GRM8: variants seen among roughly 807,000 people sequenced by gnomAD.
The protein encoded by GRM8 is glutamate metabotropic receptor 8.
Under a neutral mutation model 87.2 loss-of-function variants are expected in GRM8, and 47 were observed. The ratio of observed to expected loss-of-function variants is 0.54; its 90% CI spans 0.43 to 0.69. The LOEUF is 0.69. Ranked by LOEUF, GRM8 falls within the 30% of genes least tolerant of loss-of-function variation. The probability of loss-of-function intolerance (pLI) is 0.00; values close to 1 mark genes in which losing one functional copy is unlikely to be tolerated. For synonymous variants in GRM8, 396 were observed against 404.5 expected, an observed-to-expected ratio of 0.98 and a Z score of 0.25; for missense variants, 1,019 against 1,139.2, an observed-to-expected ratio of 0.89 and a Z score of 1.52.
rs1045637580 is a variant in GRM8 at position 126,800,764 on chromosome 7, T to C, written c.1157-30699A>G. Among the ~76,000 whole-genome samples, 5 of 152,306 alleles carry C rather than the reference T, an allele frequency of 3.3e-5. 1 individual carries two copies. Among genetic ancestry groups the C allele is most frequent in the East Asian group, 3.9e-4 (2 of 5,186 alleles). On this transcript the variant is annotated intron_variant, in intron 6 of 10. Coordinates refer to ENST00000339582, the MANE Select transcript of GRM8 (RefSeq NM_000845.3). ...AAGTGTTTAAAAGAAAATAGAGCGCTAATATTTCCCTGCCTTGAGAAAGAC... is the reference window on the plus strand; with the variant it reads ...AAGTGTTTAAAAGAAAATAGAGCGCCAATATTTCCCTGCCTTGAGAAAGAC...
intron 2 of GRM8, among the ~76,000 whole-genome samples, chr7:127,139,538 T>C (rs1307637722): frequency 6.6e-6 from 1 of 152,174 alleles, no homozygotes; most frequent in South Asian, 2.1e-4. Context: ...CAATATTCAC[T>C]TACCCCAGAG....
At chr7:127,059,764 C>G (rs1182620848) in intron 3 of GRM8, among the ~76,000 whole-genome samples, 1 of 152,188 alleles carries the variant, frequency 6.6e-6, no homozygotes, top group Non-Finnish European at 1.5e-5. Context: ...CTTGTAGGAG[C>G]ATTTTCCATC....
chr7:126,742,543 T>TACGGAGCATGGTGGCCA (rs1252991501), intron 7 of GRM8, among the ~76,000 whole-genome samples: 1 of 151,938 alleles, frequency 6.6e-6, no homozygotes, highest in African/African-American at 2.4e-5. Flanking sequence ...CCACCTCTCC[T>TACGGAGCATGGTGGCCA]ACGGAGCATG....
At chr7:127,014,423 C>G (rs1185271839) in intron 3 of GRM8, among the ~76,000 whole-genome samples, 1 of 152,116 alleles carries the variant, frequency 6.6e-6, no homozygotes, top group Non-Finnish European at 1.5e-5. Context: ...TTCAATGTCT[C>G]ATCATGACTT....
At chr7:127,081,663 A>G (rs1279101834) in intron 3 of GRM8, among the ~76,000 whole-genome samples, 2 of 152,210 alleles carry the variant, frequency 1.3e-5, no homozygotes, top group Non-Finnish European at 2.9e-5. Context: ...GCAAATGAAT[A>G]TGAATGAGAG....
chr7:126,788,420 A>AAAAACAAAAAAAAAAAAAACAAAAAAC, intron 6 of GRM8, among the ~76,000 whole-genome samples: 3 of 81,134 alleles, frequency 3.7e-5, no homozygotes, highest in East Asian at 7.4e-4. Context: ...AAAAAAAAAA[A>AAAAACAAAAAAAAAAAAAACAAAAAAC]AAACCCTTTC....
intron 2 of GRM8, among the ~76,000 whole-genome samples, chr7:127,241,436 T>C (rs202209663): frequency 1.3e-4 from 18 of 140,802 alleles, no homozygotes; most frequent in Admixed American, 5.9e-4. Flanking sequence ...CTTTTTTTTT[T>C]CTTTTTTTTT....
chr7:126,613,697 A>C (rs1047005641), intron 7 of GRM8, among the ~76,000 whole-genome samples: 3 of 152,216 alleles, frequency 2.0e-5, no homozygotes, highest in African/African-American at 7.2e-5. Flanking sequence ...CGCTTTTCCA[A>C]CGGTCTTAGC....
chr7:126,438,925 T>G lies in GRM8; in HGVS notation c.*194A>C. ...TTAGCTTGACACTCATTGGTTTTAT[T>G]GTATAAAACGGGTTTCTTCACTCCC... On this transcript the variant is annotated 3_prime_UTR_variant, in exon 11 of 11. Transcript: ENST00000339582. The G allele has an allele frequency of 2.0e-6, 1 of 505,898 alleles. No individual in the cohort carries two copies. The highest frequency in any genetic ancestry group is 3.0e-5 in the East Asian group (1 of 33,136). The allele number at this position is 505,898 out of a possible 1,614,324, so 31.3% of individuals were successfully genotyped here.
intron 3 of GRM8, among the ~76,000 whole-genome samples, chr7:126,908,132 A>G (rs1802899607): frequency 6.6e-6 from 1 of 152,222 alleles, no homozygotes; most frequent in Admixed American, 6.5e-5. Context: ...GGAGCTAAAG[A>G]GAGAGAAGGG....
intron 7 of GRM8, among the ~76,000 whole-genome samples, chr7:126,641,488 G>A (rs1802377971): frequency 6.6e-6 from 1 of 152,142 alleles, no homozygotes; most frequent in South Asian, 2.1e-4. Context: ...AGTAAGCATG[G>A]TGCAGAGTGG....
chr7:126,994,554 C>G (rs184503780), intron 3 of GRM8, among the ~76,000 whole-genome samples: 1 of 152,292 alleles, frequency 6.6e-6, no homozygotes, highest in East Asian at 1.9e-4. Flanking sequence ...TGACCACAAT[C>G]TGACTGAAGA....
chr7:127,013,387 C>T (rs556490359), intron 3 of GRM8, among the ~76,000 whole-genome samples: 8 of 152,128 alleles, frequency 5.3e-5, no homozygotes, highest in Middle Eastern at 3.2e-3. Context: ...TCCACCTTCT[C>T]CCCTAGTGTA....
chr7:126,494,108 C>T (rs1378715316), intron 9 of GRM8, among the ~76,000 whole-genome samples: 1 of 151,986 alleles, frequency 6.6e-6, no homozygotes, highest in African/African-American at 2.4e-5. Context: ...CTTTCCATCA[C>T]ATATTTACCA....
chr7:127,008,810 T>C (rs1293558089), intron 3 of GRM8, among the ~76,000 whole-genome samples: 3 of 152,118 alleles, frequency 2.0e-5, no homozygotes, highest in Non-Finnish European at 4.4e-5. Flanking sequence ...GCTTTCTATA[T>C]AGTGAAAGTA....
At position 127,243,291 on chromosome 7, in the gene GRM8, G is replaced by T; in HGVS notation, c.-87C>A. 1 of 1,231,782 alleles carries T rather than the reference G, an allele frequency of 8.1e-7. No individual in the cohort carries two copies. Among genetic ancestry groups the T allele is most frequent in the East Asian group, 2.3e-5 (1 of 42,912 alleles). 76.3% of individuals were successfully genotyped at this position (1,231,782 alleles called of 1,614,324 possible). A position where few individuals can be genotyped will look rare whatever the true frequency, so the allele number is the denominator to read the frequency against. ...GCACCACCTGAGGCTGCACCTTCTG[G>T]AGGCTACCATCAGGGCCCATGGGGA... On this transcript the variant is annotated 5_prime_UTR_variant, in exon 2 of 11. Transcript: ENST00000339582.
intron 1 of GRM8, among the ~76,000 whole-genome samples, chr7:127,250,062 G>A (rs1044299907): frequency 3.9e-5 from 6 of 152,148 alleles, no homozygotes; most frequent in African/African-American, 1.4e-4. Context: ...AAACTTGGAA[G>A]GAAAAAAACA....
intron 3 of GRM8, among the ~76,000 whole-genome samples, chr7:127,004,997 G>A (rs903759274): frequency 5.9e-5 from 9 of 151,502 alleles, no homozygotes; most frequent in South Asian, 2.1e-4. Context: ...AAGAAAAGGA[G>A]GAGAAAGAAG....
Position 127,059,723 on chromosome 7 carries a change from T to TC in GRM8, c.727+46772_727+46773insG. On this transcript the variant is annotated intron_variant, in intron 3 of 10. Transcript: ENST00000339582. ...TTACAAATAGCCTCTAGATAACTCA[T>TC]GAATACGCTGCATCAATGCAGTGGA... 2.0e-5 allele frequency among the ~76,000 whole-genome samples: 3 copies of TC among 152,342 alleles called. No individual in the cohort carries two copies. The South Asian group carries it at 6.2e-4, about 32-fold the overall frequency.
Sources: gnomAD v4.1 joint callset for allele counts (sites outside exome capture counted in the v4.1 genomes callset) on GRCh38, gnomAD v4.1.1 for gene constraint, MANE v1.5 for transcripts, NCBI Gene and HGNC (gene_info 2026-07-23, HGNC 2026-07-21) for gene names.